DDHD1: variants seen among roughly 807,000 people sequenced by gnomAD.
The protein encoded by DDHD1 is phospholipase DDHD1.
DDHD1 carries 49 observed loss-of-function variants against 96.4 expected under a neutral mutation model. That is an observed-to-expected ratio of 0.51 (90% CI 0.40 to 0.64). The LOEUF (loss-of-function observed/expected upper bound fraction) is 0.64. Among genes scored for constraint, DDHD1 ranks in the 30% least tolerant of loss-of-function variants. DDHD1 has a pLI of 0.00. For synonymous variants in DDHD1, 442 were observed against 446.5 expected (o/e 0.99, Z 0.13); for missense variants, 1,106 against 1,161.2 (o/e 0.95, Z 0.69).
chr14:53,124,457 G>A (rs1206969582), intron 1 of DDHD1, among the ~76,000 whole-genome samples: 1 of 152,108 alleles, frequency 6.6e-6, no homozygotes, highest in Non-Finnish European at 1.5e-5. Context: ...TGGCTGCTAA[G>A]TTGGATAGTA....
intron 4 of DDHD1, among the ~76,000 whole-genome samples, chr14:53,091,175 C>G (rs1277962377): frequency 6.6e-6 from 1 of 152,186 alleles, no homozygotes; most frequent in Non-Finnish European, 1.5e-5. Context: ...ACCCTTAACC[C>G]TAACATGCCC....
chr14:53,114,504 C>T (rs187005287), intron 1 of DDHD1, among the ~76,000 whole-genome samples: 1 of 152,308 alleles, frequency 6.6e-6, no homozygotes, highest in Admixed American at 6.5e-5. Flanking sequence ...TGGCATCAGG[C>T]CAGTGCCCCT....
chr14:53,121,699 C>A (rs183527401), intron 1 of DDHD1, among the ~76,000 whole-genome samples: 2 of 152,178 alleles, frequency 1.3e-5, no homozygotes, highest in Non-Finnish European at 2.9e-5. Flanking sequence ...ACCCCATGTT[C>A]TCAGTCAAAA....
At chr14:53,100,692 T>G (rs1887232753) in intron 2 of DDHD1, among the ~76,000 whole-genome samples, 1 of 152,152 alleles carries the variant, frequency 6.6e-6, no homozygotes, top group African/African-American at 2.4e-5. Flanking sequence ...AAAGGAATTA[T>G]TATTTATTTT....
rs1883361481 is a variant in DDHD1, at chr14:53,059,591, T to C, written c.1843-965A>G. ...AATAAAAATAGTCTGATAGGCTGGG[T>C]GCGGTGGCCCACGCCTGTAATCCCA... On this transcript the variant is annotated intron_variant, in intron 8 of 12. Coordinates refer to ENST00000673822, the MANE Select transcript of DDHD1 (RefSeq NM_001160148.2). Among the ~76,000 whole-genome samples the C allele has an allele frequency of 2.7e-5, 4 of 146,102 alleles. No homozygotes were observed. The South Asian group carries it at 9.4e-4, about 34-fold the overall frequency.
At chr14:53,152,240 T>C (rs769514711) in intron 1 of DDHD1, 21 bp downstream of exon 1, 1 of 1,580,660 alleles carries the variant, frequency 6.3e-7, no homozygotes, top group Non-Finnish European at 8.6e-7. Context: ...CGTCCTGCCC[T>C]AACCCCGGCC....
At chr14:53,067,152 TTTTC>T (rs1342028167) in intron 6 of DDHD1, among the ~76,000 whole-genome samples, 47 of 150,100 alleles carry the variant, frequency 3.1e-4, no homozygotes, top group African/African-American at 1.1e-3. Flanking sequence ...AAACTATTCC[TTTTC>T]TTTTTTTTTT....
At chr14:53,100,638 T>A (rs1342519258) in intron 2 of DDHD1, among the ~76,000 whole-genome samples, 3 of 152,104 alleles carry the variant, frequency 2.0e-5, no homozygotes, top group African/African-American at 7.2e-5. Context: ...GCTAATCTGT[T>A]TGTGGCAAGA....
At chr14:53,124,334 C>T (rs1249594610) in intron 1 of DDHD1, among the ~76,000 whole-genome samples, 1 of 151,776 alleles carries the variant, frequency 6.6e-6, no homozygotes, top group African/African-American at 2.4e-5. Flanking sequence ...CATCAAAATG[C>T]TACCTTGCAT....
rs145225978 is a variant in DDHD1 at position 53,037,137 on chromosome 14, T to C, written c.*9631A>G. 585 of 152,292 alleles carry C rather than the reference T, an allele frequency of 3.8e-3. 5 individuals carry two copies. The highest frequency in any genetic ancestry group is 0.013 in the African/African-American group (558 of 41,562). The allele number at this position is 152,292 out of a possible 1,614,324, so 9.4% of individuals were successfully genotyped here. On this transcript the variant is annotated 3_prime_UTR_variant, in exon 13 of 13. Transcript: ENST00000673822. ...CTTTTTATGGCTGCCTAATACTCCA[T>C]GATTTATATGTACCACATTTTCTTT...
In DDHD1 at chr14:53,044,493, C is replaced by T. The variant is rs980227260; in HGVS notation, c.*2275G>A. On this transcript the variant is annotated 3_prime_UTR_variant, in exon 13 of 13. Transcript: ENST00000673822. The stretch of plus-strand genomic sequence containing the variant: ...TTCAAGTTCTTATGCATTTGAGTGT[C>T]ATACCACCTACAGCAACATACGCTC... 2 of 152,166 alleles carry T rather than the reference C, an allele frequency of 1.3e-5. No homozygotes were observed. The highest frequency in any genetic ancestry group is 4.8e-5 in the African/African-American group (2 of 41,438). The allele number at this position is 152,166 out of a possible 1,614,324, so 9.4% of individuals were successfully genotyped here. A position where few individuals can be genotyped will look rare whatever the true frequency, so the allele number is the denominator to read the frequency against.
intron 1 of DDHD1, among the ~76,000 whole-genome samples, chr14:53,120,652 C>T (rs1888915072): frequency 6.6e-6 from 1 of 152,156 alleles, no homozygotes; most frequent in Non-Finnish European, 1.5e-5. Context: ...CACACATCTA[C>T]AACCATCTGA....
chr14:53,114,922 C>G (rs1382676954), intron 1 of DDHD1, among the ~76,000 whole-genome samples: 2 of 152,162 alleles, frequency 1.3e-5, no homozygotes, highest in African/African-American at 4.8e-5. Flanking sequence ...TAATAACAAA[C>G]TCCTCTGAGC....
chr14:53,093,302 T>G lies in DDHD1; in HGVS notation c.1141+14A>C. On this transcript the variant is annotated intron_variant, in intron 3 of 12. Coordinates refer to ENST00000673822, the MANE Select transcript of DDHD1 (RefSeq NM_001160148.2). ...CCAAAATTTTGATAAGCTCTAGTAA[T>G]ATTTAACAATTACCTTTAGAAAATC... 6.2e-7 allele frequency: 1 copy of G among 1,601,136 alleles called. No homozygotes were observed. The highest frequency in any genetic ancestry group is 8.5e-7 in the Non-Finnish European group (1 of 1,176,808).
At chr14:53,144,089 T>C (rs536250261) in intron 1 of DDHD1, among the ~76,000 whole-genome samples, 2 of 152,318 alleles carry the variant, frequency 1.3e-5, no homozygotes, top group African/African-American at 4.8e-5. Flanking sequence ...TAGTAGCACC[T>C]TTCTCCCCTA....
chr14:53,055,989 C>G (rs1165250436), intron 9 of DDHD1, 77 bp from the exon 10 acceptor site: 1 of 1,231,430 alleles, frequency 8.1e-7, no homozygotes, highest in Non-Finnish European at 1.1e-6. Flanking sequence ...TGTTCTTACT[C>G]TACTGCATGT....
intron 4 of DDHD1, among the ~76,000 whole-genome samples, chr14:53,089,900 G>A (rs1484887044): frequency 1.3e-5 from 2 of 152,172 alleles, no homozygotes; most frequent in Non-Finnish European, 2.9e-5. Flanking sequence ...AAGAGCTTCT[G>A]CACAGCAAGA....
intron 1 of DDHD1, among the ~76,000 whole-genome samples, chr14:53,115,094 G>A (rs1566578809): frequency 6.6e-6 from 1 of 152,044 alleles, no homozygotes; most frequent in Non-Finnish European, 1.5e-5. Flanking sequence ...AGAATCAATA[G>A]CCAAATCGAT....
intron 1 of DDHD1, among the ~76,000 whole-genome samples, chr14:53,104,280 G>T (rs1887527023): frequency 6.6e-6 from 1 of 152,126 alleles, no homozygotes; most frequent in African/African-American, 2.4e-5. Flanking sequence ...GAGCCAGAGT[G>T]TATCATATTC....
Sources: allele counts gnomAD v4.1 joint callset (sites outside exome capture counted in the v4.1 genomes callset), GRCh38; gene constraint gnomAD v4.1.1; transcripts MANE v1.5; gene names NCBI Gene and HGNC (gene_info 2026-07-23, HGNC 2026-07-21).